Variants in SOX9 observed in about 807,000 individuals in gnomAD.
SOX9 encodes SRY-box transcription factor 9.
SOX9 carries 2 observed loss-of-function variants against 44.8 expected under a neutral mutation model. That is an observed-to-expected ratio of 0.04 (90% CI 0.02 to 0.14). SOX9 has a LOEUF of 0.14. Ranked by LOEUF, SOX9 falls within the 10% of genes least tolerant of loss-of-function variation. SOX9 has a pLI of 1.00. For synonymous variants in SOX9, 381 were observed against 331.8 expected (o/e 1.15, Z -1.61); for missense variants, 583 against 728.6 (o/e 0.80, Z 2.30).
At position 72,124,417 on chromosome 17, in the gene SOX9, C is replaced by T. The variant is rs748873802; in HGVS notation, c.*30C>T. The T allele has an allele frequency of 4.4e-6, 7 of 1,598,338 alleles. No homozygotes were observed. The highest frequency in any genetic ancestry group is 5.1e-6 in the Non-Finnish European group (6 of 1,178,808). On this transcript the variant is annotated 3_prime_UTR_variant, in exon 3 of 3. Transcript: ENST00000245479. This position sits in a 1 kb window ranked among gnomAD's most constrained non-coding sequence, Gnocchi z 4.6. The stretch of plus-strand genomic sequence containing the variant: ...GCCTCCCACGAAGGGCGAAGATGGC[C>T]GAGATGATCCTAAAAATAACCGAAG...
Position 72,125,959 on chromosome 17 carries a change from A to G in SOX9, c.*1572A>G, listed in dbSNP as rs1908272612. Reference sequence around the variant, plus strand: ...AACAATGCAAGCATGTGTCATCCATATTTCTCTGCATCTTCTCTTGGAGTG... The same window carrying G: ...AACAATGCAAGCATGTGTCATCCATGTTTCTCTGCATCTTCTCTTGGAGTG... On this transcript the variant is annotated 3_prime_UTR_variant, in exon 3 of 3. Coordinates refer to ENST00000245479, the MANE Select transcript of SOX9 (RefSeq NM_000346.4). 1 of 232,602 alleles carries G rather than the reference A, an allele frequency of 4.3e-6. No individual in the cohort carries two copies. The highest frequency in any genetic ancestry group is 8.5e-6 in the Non-Finnish European group (1 of 117,630). The allele number at this position is 232,602 out of a possible 1,614,324, so 14.4% of individuals were successfully genotyped here. A position where few individuals can be genotyped will look rare whatever the true frequency, so the allele number is the denominator to read the frequency against.
chr17:72,121,106 CAGG>C lies in SOX9; in HGVS notation c.-280_-278del. ...TTTCAACCCCGGAAACTTTTCTTTG[CAGG>C]AGGAGAAGAGAAGGGGTGCAAGCGC... On this transcript the variant is annotated 5_prime_UTR_variant, in exon 1 of 3. Transcript: ENST00000245479. This position sits in a 1 kb window ranked among gnomAD's most constrained non-coding sequence, Gnocchi z 8.3. 1.8e-6 allele frequency: 1 copy of C among 546,722 alleles called. No homozygotes were observed. The allele number at this position is 546,722 out of a possible 1,614,324, so 33.9% of individuals were successfully genotyped here. A position where few individuals can be genotyped will look rare whatever the true frequency, so the allele number is the denominator to read the frequency against.
rs143983059 is a variant in SOX9 at position 72,123,833 on chromosome 17, G to T, written c.976G>T (p.Ala326Ser). The change falls in exon 3 of 3, where the codon GCC becomes TCC. Residue 326 changes from alanine to serine, a missense_variant. Coordinates refer to ENST00000245479, the MANE Select transcript of SOX9 (RefSeq NM_000346.4). This position sits in a 1 kb window ranked among gnomAD's most constrained non-coding sequence, Gnocchi z 6.5. Reference protein sequence around the residue: ...TGSYGISSTAATPASAGHVWM... With the variant: ...TGSYGISSTASTPASAGHVWM... Reference sequence around the variant, plus strand: ...CAGCTACGGCATCAGCAGCACCGCGGCCACCCCGGCGAGCGCGGGCCACGT... The same window carrying T: ...CAGCTACGGCATCAGCAGCACCGCGTCCACCCCGGCGAGCGCGGGCCACGT... The T allele has an allele frequency of 3.7e-6, 6 of 1,605,336 alleles. No homozygotes were observed. The African/African-American group carries it at 6.7e-5, about 18-fold the overall frequency.
Position 72,125,396 on chromosome 17 carries a change from GC to G in SOX9, c.*1014del. ...CAGCCAATAAGTGCCCGAGCACACT[GC>G]CCCCGGTTGCCTGCCTGGGCCCCAT... On this transcript the variant is annotated 3_prime_UTR_variant, in exon 3 of 3. Transcript: ENST00000245479. 4.4e-6 allele frequency: 1 copy of G among 228,432 alleles called. No individual in the cohort carries two copies. The highest frequency in any genetic ancestry group is 8.7e-6 in the Non-Finnish European group (1 of 115,040). 14.2% of individuals were successfully genotyped at this position (228,432 alleles called of 1,614,324 possible). A position where few individuals can be genotyped will look rare whatever the true frequency, so the allele number is the denominator to read the frequency against.
rs2143241288 is a variant in SOX9 at position 72,121,834 on chromosome 17, CG to C, written c.431+17del. The C allele has an allele frequency of 1.3e-6, 2 of 1,547,738 alleles. No homozygotes were observed. The highest frequency in any genetic ancestry group is 1.2e-5 in the South Asian group (1 of 82,892). On this transcript the variant is annotated intron_variant, in intron 1 of 2. Transcript: ENST00000245479. The surrounding 1 kb of genome is among the most constrained non-coding windows in gnomAD (Gnocchi z 8.3). ...GGCAAGCTCTGGAGGTAGGACCCGG[CG>C]GGGGCGGCGCGGCAGGGTGGGCATC...
rs1290030689 is a variant in SOX9, at chr17:72,125,552, TTC to T, written c.*1167_*1168del. On this transcript the variant is annotated 3_prime_UTR_variant, in exon 3 of 3. Coordinates refer to ENST00000245479, the MANE Select transcript of SOX9 (RefSeq NM_000346.4). The stretch of plus-strand genomic sequence containing the variant: ...AGGTTTTAATTAAAACAAAAAAAAA[TTC>T]TTTTTTTTTTTTTTTTCCAATTTTA... The T allele has an allele frequency of 3.9e-5, 8 of 206,392 alleles. No individual in the cohort carries two copies. Among genetic ancestry groups the T allele is most frequent in the African/African-American group, 1.5e-4 (5 of 34,032 alleles). The allele number at this position is 206,392 out of a possible 1,614,324, so 12.8% of individuals were successfully genotyped here.
In SOX9 at chr17:72,123,054, C is replaced by T. The variant is rs1309741012; in HGVS notation, c.685+82C>T. 2.6e-5 allele frequency: 41 copies of T among 1,552,714 alleles called. No individual in the cohort carries two copies. The highest frequency in any genetic ancestry group is 2.3e-5 in the East Asian group (1 of 44,046). ...CCTGCCCTCCGCCTGGGAGATTCTT[C>T]GTGGGGACTTTATGCTTCCCGGGAG... On this transcript the variant is annotated intron_variant, in intron 2 of 2. Transcript: ENST00000245479. The surrounding 1 kb of genome is among the most constrained non-coding windows in gnomAD (Gnocchi z 6.5).
rs1336223515 is a variant in SOX9 at position 72,121,861 on chromosome 17, GC to G, written c.431+40del. 1 of 1,508,346 alleles carries G rather than the reference GC, an allele frequency of 6.6e-7. No homozygotes were observed. The highest frequency in any genetic ancestry group is 1.4e-5 in the African/African-American group (1 of 72,046). 93.4% of individuals were successfully genotyped at this position (1,508,346 alleles called of 1,614,324 possible). ...GGGGCGGCGCGGCAGGGTGGGCATC[GC>G]GGCGGCTGGGGGCGCTGGTCAGGGC... On this transcript the variant is annotated intron_variant, in intron 1 of 2. Coordinates refer to ENST00000245479, the MANE Select transcript of SOX9 (RefSeq NM_000346.4). This position sits in a 1 kb window ranked among gnomAD's most constrained non-coding sequence, Gnocchi z 8.3.
In SOX9 at chr17:72,125,554, CTTTTTT is replaced by C. The variant is rs796896836; in HGVS notation, c.*1178_*1183del. On this transcript the variant is annotated 3_prime_UTR_variant, in exon 3 of 3. Coordinates refer to ENST00000245479, the MANE Select transcript of SOX9 (RefSeq NM_000346.4). Reference sequence around the variant, plus strand: ...GTTTTAATTAAAACAAAAAAAAATTCTTTTTTTTTTTTTTTTCCAATTTTACCTTCT... The same window carrying C: ...GTTTTAATTAAAACAAAAAAAAATTCTTTTTTTTTTCCAATTTTACCTTCT... The C allele has an allele frequency of 2.1e-5, 4 of 186,622 alleles. No individual in the cohort carries two copies. The highest frequency in any genetic ancestry group is 4.3e-5 in the Non-Finnish European group (4 of 92,420). 11.6% of individuals were successfully genotyped at this position (186,622 alleles called of 1,614,324 possible).
Position 72,125,754 on chromosome 17 carries a change from C to T in SOX9, c.*1367C>T, listed in dbSNP as rs1336468589. The T allele has an allele frequency of 2.7e-5, 6 of 225,736 alleles. No individual in the cohort carries two copies. Among genetic ancestry groups the T allele is most frequent in the African/African-American group, 1.3e-4 (6 of 44,708 alleles). 14.0% of individuals were successfully genotyped at this position (225,736 alleles called of 1,614,324 possible). A position where few individuals can be genotyped will look rare whatever the true frequency, so the allele number is the denominator to read the frequency against. ...AGATTTGTATAAATGCCTTTTTGTC[C>T]ATCCCTTTTTTCTTTGTTGTTTTTG... On this transcript the variant is annotated 3_prime_UTR_variant, in exon 3 of 3. Coordinates refer to ENST00000245479, the MANE Select transcript of SOX9 (RefSeq NM_000346.4).
rs1251886322 is a variant in SOX9, at chr17:72,125,668, T to G, written c.*1281T>G. Reference sequence around the variant, plus strand: ...GTTCTTAACTGTAACCAGTTTTTTTTTATTTATCTCTTTAATCTTTTTTTA... The same window carrying G: ...GTTCTTAACTGTAACCAGTTTTTTTGTATTTATCTCTTTAATCTTTTTTTA... On this transcript the variant is annotated 3_prime_UTR_variant, in exon 3 of 3. Coordinates refer to ENST00000245479, the MANE Select transcript of SOX9 (RefSeq NM_000346.4). 1 of 228,332 alleles carries G rather than the reference T, an allele frequency of 4.4e-6. No homozygotes were observed. The highest frequency in any genetic ancestry group is 8.7e-6 in the Non-Finnish European group (1 of 114,884). 14.1% of individuals were successfully genotyped at this position (228,332 alleles called of 1,614,324 possible). A position where few individuals can be genotyped will look rare whatever the true frequency, so the allele number is the denominator to read the frequency against.
chr17:72,122,704 C>A lies in SOX9; in HGVS notation c.432-15C>A. The A allele has an allele frequency of 6.2e-7, 1 of 1,613,296 alleles. No individual in the cohort carries two copies. Among genetic ancestry groups the A allele is most frequent in the Non-Finnish European group, 8.5e-7 (1 of 1,179,698 alleles). Reference sequence around the variant, plus strand: ...TCCCTCTTTTTCTCTGTGCCCCCCGCCCCGCCCCGAGCAGACTTCTGAACG... The same window carrying A: ...TCCCTCTTTTTCTCTGTGCCCCCCGACCCGCCCCGAGCAGACTTCTGAACG... On this transcript the variant is annotated splice_polypyrimidine_tract_variant and intron_variant, in intron 1 of 2. Transcript: ENST00000245479.
rs1474361139 is a variant in SOX9 at position 72,125,230 on chromosome 17, C to CT, written c.*845dup. The CT allele has an allele frequency of 4.4e-6, 1 of 228,300 alleles. No homozygotes were observed. Among genetic ancestry groups the CT allele is most frequent in the Non-Finnish European group, 8.7e-6 (1 of 114,924 alleles). The allele number at this position is 228,300 out of a possible 1,614,324, so 14.1% of individuals were successfully genotyped here. ...TATTTTTTAAAGAAGAGAAAAACAC[C>CT]TTGAGCCTTAAAACGGTGCTGCTGG... On this transcript the variant is annotated 3_prime_UTR_variant, in exon 3 of 3. Transcript: ENST00000245479.
Position 72,123,428 on chromosome 17 carries a change from T to G in SOX9, c.686-115T>G. 8 of 1,432,480 alleles carry G rather than the reference T, an allele frequency of 5.6e-6. No individual in the cohort carries two copies. Among genetic ancestry groups the G allele is most frequent in the Non-Finnish European group, 6.8e-6 (7 of 1,022,898 alleles). 88.7% of individuals were successfully genotyped at this position (1,432,480 alleles called of 1,614,324 possible). A position where few individuals can be genotyped will look rare whatever the true frequency, so the allele number is the denominator to read the frequency against. Reference sequence around the variant, plus strand: ...CGGTGCAGCGCGCCTCTTGCGCGGGTGCGGGCCCTTATTACACTTTAGCAG... The same window carrying G: ...CGGTGCAGCGCGCCTCTTGCGCGGGGGCGGGCCCTTATTACACTTTAGCAG... On this transcript the variant is annotated intron_variant, in intron 2 of 2. Coordinates refer to ENST00000245479, the MANE Select transcript of SOX9 (RefSeq NM_000346.4). The surrounding 1 kb of genome is among the most constrained non-coding windows in gnomAD (Gnocchi z 6.5).
rs978293484 is a variant in SOX9, at chr17:72,126,257, G to C, written c.*1870G>C. The C allele has an allele frequency of 3.0e-5, 7 of 232,830 alleles. No individual in the cohort carries two copies. The highest frequency in any genetic ancestry group is 6.6e-5 in the African/African-American group (3 of 45,266). The allele number at this position is 232,830 out of a possible 1,614,324, so 14.4% of individuals were successfully genotyped here. A position where few individuals can be genotyped will look rare whatever the true frequency, so the allele number is the denominator to read the frequency against. ...GCATTTAAATCATATTTTGTCTTTA[G>C]GTAAAAGCTTTGGTTTGTGTTCGTG... On this transcript the variant is annotated 3_prime_UTR_variant, in exon 3 of 3. Coordinates refer to ENST00000245479, the MANE Select transcript of SOX9 (RefSeq NM_000346.4).
At position 72,123,999 on chromosome 17, in the gene SOX9, C is replaced by A; in HGVS notation, c.1142C>A (p.Thr381Lys). 5 of 1,600,872 alleles carry A rather than the reference C, an allele frequency of 3.1e-6. No homozygotes were observed. The highest frequency in any genetic ancestry group is 1.3e-5 in the African/African-American group (1 of 74,796). Reference protein sequence around the residue: ...AAPPQQPQAHTLTTLSSEPGQ... With the variant: ...AAPPQQPQAHKLTTLSSEPGQ... ...CCCCCGCAGCAGCCACAGGCGCACA[C>A]GCTGACCACGCTGAGCAGCGAGCCG... Residue 381 changes from threonine to lysine, a missense_variant, in exon 3 of 3, where the codon ACG (threonine) becomes AAG (lysine). Thr to Lys is a moderately conservative substitution (Grantham distance 78, BLOSUM62 -1). Coordinates refer to ENST00000245479, the MANE Select transcript of SOX9 (RefSeq NM_000346.4). The surrounding 1 kb of genome is among the most constrained non-coding windows in gnomAD (Gnocchi z 6.5).
rs147286621 is a variant in SOX9, at chr17:72,124,024, G to A, written c.1167G>A (p.Pro389=). 4.0e-5 allele frequency: 65 copies of A among 1,608,242 alleles called. No individual in the cohort carries two copies. The African/African-American group carries it at 4.8e-4, about 12-fold the overall frequency. ...CGCTGACCACGCTGAGCAGCGAGCC[G>A]GGCCAGTCCCAGCGAACGCACATCA... is the stretch of plus-strand genomic sequence containing the variant. ...AHTLTTLSSE[P]GQSQRTHIKT... Residue 389 remains proline (P), a synonymous_variant, in exon 3 of 3, where the codon CCG becomes CCA. Transcript: ENST00000245479. The surrounding 1 kb of genome is among the most constrained non-coding windows in gnomAD (Gnocchi z 4.6).
chr17:72,123,473 G>T lies in SOX9; in HGVS notation c.686-70G>T. 2 of 1,605,858 alleles carry T rather than the reference G, an allele frequency of 1.2e-6. No homozygotes were observed. Among genetic ancestry groups the T allele is most frequent in the Non-Finnish European group, 1.7e-6 (2 of 1,173,978 alleles). On this transcript the variant is annotated intron_variant, in intron 2 of 2. Transcript: ENST00000245479. The surrounding 1 kb of genome is among the most constrained non-coding windows in gnomAD (Gnocchi z 6.5). ...TAGCAGCGAGGGAGGGTCCCCGGAG[G>T]GTGCCTAAGACTAGGGCGTCTGCAC...
Position 72,126,320 on chromosome 17 carries a change from C to T in SOX9, c.*1933C>T, listed in dbSNP as rs1908282711. On this transcript the variant is annotated 3_prime_UTR_variant, in exon 3 of 3. Transcript: ENST00000245479. The stretch of plus-strand genomic sequence containing the variant: ...CACTTGTTTCCCTCCCAGCCCCAAA[C>T]CTTTTGTTCTCTCCGTGAAACTTAC... The T allele has an allele frequency of 4.3e-6, 1 of 232,054 alleles. No individual in the cohort carries two copies. Among genetic ancestry groups the T allele is most frequent in the Admixed American group, 5.7e-5 (1 of 17,672 alleles). 14.4% of individuals were successfully genotyped at this position (232,054 alleles called of 1,614,324 possible).
Sources: allele counts gnomAD v4.1 joint callset, GRCh38; gene constraint gnomAD v4.1.1; non-coding constraint Gnocchi (gnomAD v3.1); transcripts MANE v1.5; gene names NCBI Gene and HGNC (gene_info 2026-07-23, HGNC 2026-07-21).